RAB3GAP1: variants seen among roughly 807,000 people sequenced by gnomAD.
The protein encoded by RAB3GAP1 is rab3 GTPase-activating protein catalytic subunit.
A neutral mutation model predicts 130.7 loss-of-function variants in RAB3GAP1; 86 were observed. The ratio of observed to expected loss-of-function variants is 0.66; its 90% CI spans 0.55 to 0.79. The LOEUF (loss-of-function observed/expected upper bound fraction) is 0.79. Ranked by LOEUF, RAB3GAP1 falls within the 30% of genes least tolerant of loss-of-function variation. RAB3GAP1 has a pLI of 0.00. For synonymous variants in RAB3GAP1, 367 were observed against 401.7 expected (o/e 0.91, Z 1.03); for missense variants, 1,029 against 1,169.4 (o/e 0.88, Z 1.75).
chr2:135,099,963 G>A (rs1690406860), intron 5 of RAB3GAP1, among the ~76,000 whole-genome samples: 1 of 152,044 alleles, frequency 6.6e-6, no homozygotes, highest in Admixed American at 6.6e-5. Context: ...AAGTCCCAGG[G>A]CCTCGTAAGC....
chr2:135,117,705 GCTTCTGCTTCTT>G (rs1558784701), intron 7 of RAB3GAP1, among the ~76,000 whole-genome samples: 27 of 19,248 alleles, frequency 1.4e-3, no homozygotes, highest in African/African-American at 3.8e-3. Flanking sequence ...TGCTTCTTCT[GCTTCTGCTTCTT>G]CTTCTGCTTC....
At chr2:135,052,389 T>C (rs371320618) in intron 1 of RAB3GAP1, 41 bp from the exon 2 acceptor site, 115 of 1,614,048 alleles carry the variant, frequency 7.1e-5, no homozygotes, top group Non-Finnish European at 9.5e-5. Flanking sequence ...TGTCTTCGCC[T>C]TGGGGCTTAA....
chr2:135,175,555 G>T (rs896297271), downstream of RAB3GAP1: 5 of 152,202 alleles, frequency 3.3e-5, no homozygotes, highest in African/African-American at 4.8e-5. Flanking sequence ...TATCCAAATT[G>T]TATATGCTCT....
Position 135,052,622 on chromosome 2 carries a change from C to T in RAB3GAP1, c.74+137C>T, listed in dbSNP as rs967617788. 10 of 1,033,038 alleles carry T rather than the reference C, an allele frequency of 9.7e-6. No homozygotes were observed. The African/African-American group carries it at 1.3e-4, about 13-fold the overall frequency. 64.0% of individuals were successfully genotyped at this position (1,033,038 alleles called of 1,614,324 possible). A position where few individuals can be genotyped will look rare whatever the true frequency, so the allele number is the denominator to read the frequency against. ...ACCGTGGGTCCCGGGTCTCCTCCCCCAGTCTTCTTTGGTCAACCGCAAGCC... is the reference window on the plus strand; with the variant it reads ...ACCGTGGGTCCCGGGTCTCCTCCCCTAGTCTTCTTTGGTCAACCGCAAGCC... On this transcript the variant is annotated intron_variant, in intron 2 of 23. Transcript: ENST00000264158.
At chr2:135,071,227 C>G (rs967004611) in intron 3 of RAB3GAP1, among the ~76,000 whole-genome samples, 1 of 152,154 alleles carries the variant, frequency 6.6e-6, no homozygotes, top group Non-Finnish European at 1.5e-5. Context: ...TTTACTGGCC[C>G]TTAAATGCTC....
intron 13 of RAB3GAP1, among the ~76,000 whole-genome samples, chr2:135,131,829 A>G (rs1171710057): frequency 1.3e-5 from 2 of 152,250 alleles, no homozygotes; most frequent in Admixed American, 6.5e-5. Context: ...TTGATAAATG[A>G]TAGCTATTCT....
intron 15 of RAB3GAP1, 53 bp downstream of exon 15, chr2:135,134,086 A>C: frequency 6.2e-7 from 1 of 1,603,196 alleles, no homozygotes; most frequent in Non-Finnish European, 8.5e-7. Context: ...GTTAGCAGAC[A>C]TTTGACTTTT....
At chr2:135,071,733 C>T (rs1333029996) in intron 3 of RAB3GAP1, among the ~76,000 whole-genome samples, 3 of 152,066 alleles carry the variant, frequency 2.0e-5, no homozygotes, top group Non-Finnish European at 4.4e-5. Context: ...CCACATTCCC[C>T]CCACAGCAGA....
intron 17 of RAB3GAP1, among the ~76,000 whole-genome samples, chr2:135,136,136 G>A (rs1659236170): frequency 6.6e-6 from 1 of 152,100 alleles, no homozygotes; most frequent in Non-Finnish European, 1.5e-5. Context: ...GATAAGTCTG[G>A]CCAACATGGT....
chr2:135,119,202 G>GAA (rs1691121933), intron 7 of RAB3GAP1, among the ~76,000 whole-genome samples: 1 of 150,688 alleles, frequency 6.6e-6, no homozygotes, highest in African/African-American at 2.4e-5. Context: ...TCTGCCTCCC[G>GAA]GGATCAAGCG....
chr2:135,158,662 T>A (rs1692382146), intron 19 of RAB3GAP1, among the ~76,000 whole-genome samples: 1 of 152,228 alleles, frequency 6.6e-6, no homozygotes, highest in South Asian at 2.1e-4. Flanking sequence ...TCACCAAGAA[T>A]CATGAATATT....
chr2:135,117,668 T>C (rs1691051450), intron 7 of RAB3GAP1, among the ~76,000 whole-genome samples: 1 of 149,726 alleles, frequency 6.7e-6, no homozygotes. Context: ...CTTCTGCTTC[T>C]GCTTCTTCTG....
chr2:135,060,484 TCTC>T (rs1268680226), intron 3 of RAB3GAP1, among the ~76,000 whole-genome samples: 2 of 151,764 alleles, frequency 1.3e-5, no homozygotes, highest in African/African-American at 4.8e-5. Flanking sequence ...ATGGTCTCGA[TCTC>T]CTGACCTTGT....
intron 8 of RAB3GAP1, 89 bp from the exon 9 acceptor site, chr2:135,124,074 CTT>C: frequency 1.6e-6 from 2 of 1,251,170 alleles, no homozygotes; most frequent in South Asian, 2.5e-5. Flanking sequence ...CTTGCAGACA[CTT>C]TTAAAGCTAT....
chr2:135,063,320 G>A (rs1689231545), intron 3 of RAB3GAP1, among the ~76,000 whole-genome samples: 1 of 151,792 alleles, frequency 6.6e-6, no homozygotes, highest in African/African-American at 2.4e-5. Flanking sequence ...AAATTTTTTT[G>A]TTGTAAAATG....
intron 3 of RAB3GAP1, among the ~76,000 whole-genome samples, chr2:135,080,794 AT>A (rs1689772426): frequency 6.6e-6 from 1 of 152,064 alleles, no homozygotes; most frequent in East Asian, 1.9e-4. Flanking sequence ...TTGTTTCTGA[AT>A]TTCCCCTGTG....
At chr2:135,147,183 T>G (rs1692024055) in intron 17 of RAB3GAP1, among the ~76,000 whole-genome samples, 1 of 151,806 alleles carries the variant, frequency 6.6e-6, no homozygotes, top group Non-Finnish European at 1.5e-5. Context: ...CTGTCTGTAC[T>G]AAAAATACAA....
intron 3 of RAB3GAP1, among the ~76,000 whole-genome samples, chr2:135,069,517 A>C (rs1223659184): frequency 1.3e-5 from 2 of 151,908 alleles, no homozygotes; most frequent in Admixed American, 6.5e-5. Context: ...TGGATGAGTC[A>C]TTTTCTAAAA....
chr2:135,100,258 G>A (rs1264355896), intron 5 of RAB3GAP1, among the ~76,000 whole-genome samples: 1 of 152,198 alleles, frequency 6.6e-6, no homozygotes, highest in African/African-American at 2.4e-5. Context: ...GCACAGCATA[G>A]TCAGTTTTGC....
Sources: gnomAD v4.1 joint callset for allele counts (sites outside exome capture counted in the v4.1 genomes callset) on GRCh38, gnomAD v4.1.1 for gene constraint, MANE v1.5 for transcripts, NCBI Gene and HGNC (gene_info 2026-07-23, HGNC 2026-07-21) for gene names.